Variants in GC observed in about 807,000 individuals in gnomAD.
GC encodes the protein GC vitamin D binding protein.
In GC, 43 loss-of-function variants were observed where a neutral mutation model predicts 56.7. The ratio of observed to expected loss-of-function variants is 0.76; its 90% confidence interval spans 0.59 to 0.98. The LOEUF (loss-of-function observed/expected upper bound fraction) is 0.98, where lower values mean the gene tolerates loss of function less well. Among genes scored for constraint, GC ranks in the 50% least tolerant of loss-of-function variants. The pLI is 0.00. For synonymous variants in GC, 216 were observed against 202.7 expected, an observed-to-expected ratio of 1.07 and a Z score of -0.56; for missense variants, 529 against 545.9, an observed-to-expected ratio of 0.97 and a Z score of 0.31.
chr4:71,769,096 C>T (rs1269854752), intron 2 of GC, among the ~76,000 whole-genome samples: 5 of 152,170 alleles, frequency 3.3e-5, no homozygotes, highest in African/African-American at 9.7e-5. Context: ...TATCTTTGAA[C>T]TCATTCATAA....
rs368318594 is a variant in GC at position 71,754,949 on chromosome 4, G to T, written c.1164+29C>A. On this transcript the variant is annotated intron_variant, in intron 9 of 12. Transcript: ENST00000273951. Reference sequence around the variant, plus strand: ...TAATTTTCCAACCCTTGATCTATGTGCTTGATAAAGAAAATCCAACAAATA... The same window carrying T: ...TAATTTTCCAACCCTTGATCTATGTTCTTGATAAAGAAAATCCAACAAATA... 293 of 1,505,524 alleles carry T rather than the reference G, an allele frequency of 1.9e-4. No homozygotes were observed. In the African/African-American group the frequency reaches 3.7e-3, roughly 19 times the overall value. The allele number at this position is 1,505,524 out of a possible 1,614,324, so 93.3% of individuals were successfully genotyped here. A position where few individuals can be genotyped will look rare whatever the true frequency, so the allele number is the denominator to read the frequency against.
chr4:71,795,233 G>C (rs1743068602), intron 1 of GC, among the ~76,000 whole-genome samples: 1 of 152,104 alleles, frequency 6.6e-6, no homozygotes, highest in African/African-American at 2.4e-5. Context: ...CTGTCTCATT[G>C]ATCTATCTAA....
chr4:71,746,328 C>A (rs556194067), intron 11 of GC, 123 bp from the exon 12 acceptor site: 1 of 553,502 alleles, frequency 1.8e-6, no homozygotes, highest in South Asian at 2.7e-5. Context: ...TGCCAAGATG[C>A]AATGTTACAT....
intron 1 of GC, among the ~76,000 whole-genome samples, chr4:71,776,142 C>T (rs1482815081): frequency 1.3e-5 from 2 of 151,760 alleles, no homozygotes; most frequent in Admixed American, 1.3e-4. Flanking sequence ...TTAACAATAC[C>T]ACTTCTGGGT....
chr4:71,788,765 G>T (rs1742903452), upstream of GC, among the ~76,000 whole-genome samples: 1 of 151,860 alleles, frequency 6.6e-6, no homozygotes, highest in East Asian at 1.9e-4. Flanking sequence ...CAGGAACAAG[G>T]TTTATATGAG....
chr4:71,756,405 C>T (rs1233628757), intron 8 of GC, among the ~76,000 whole-genome samples: 1 of 152,168 alleles, frequency 6.6e-6, no homozygotes, highest in Non-Finnish European at 1.5e-5. Context: ...TAACAATAGG[C>T]TGAAGTTCAG....
chr4:71,763,983 A>T, intron 4 of GC, 47 bp from the exon 5 acceptor site: 1 of 1,482,264 alleles, frequency 6.7e-7, no homozygotes, highest in Non-Finnish European at 9.4e-7. Flanking sequence ...TGAATAAACA[A>T]AATCTACTTT....
At chr4:71,756,980 A>G (rs1741800165) in intron 7 of GC, 66 bp from the exon 8 acceptor site, 2 of 1,049,878 alleles carry the variant, frequency 1.9e-6, no homozygotes, top group Non-Finnish European at 2.9e-6. Context: ...AATAAGAATT[A>G]CATAGGCTTA....
intron 11 of GC, among the ~76,000 whole-genome samples, chr4:71,750,177 T>G (rs1031247945): frequency 1.4e-4 from 21 of 152,230 alleles, no homozygotes; most frequent in African/African-American, 5.1e-4. Context: ...ATAAAAGAGC[T>G]GCTATTGCGA....
upstream of GC, among the ~76,000 whole-genome samples, chr4:71,785,184 T>C (rs182857914): frequency 3.9e-4 from 59 of 151,878 alleles, no homozygotes; most frequent in African/African-American, 1.4e-3. Context: ...TGAGGTTAAT[T>C]AAGGTAATCT....
chr4:71,791,409 T>C lies in GC; in HGVS notation c.22-7355A>G, dbSNP rs1742965104. ...TTTTAAGATGATTACTTTACCTTTG[T>C]TTTTCAGTGATTATCCTCAGATATG... On this transcript the variant is annotated intron_variant, in intron 1 of 13. Transcript: ENST00000504199. Among the ~76,000 whole-genome samples the C allele has an allele frequency of 2.0e-5, 3 of 152,178 alleles. 1 individual carries two copies. Among genetic ancestry groups the C allele is most frequent in the Non-Finnish European group, 4.4e-5 (3 of 67,984 alleles).
upstream of GC, among the ~76,000 whole-genome samples, chr4:71,804,622 T>G (rs1397585116): frequency 6.6e-6 from 1 of 152,192 alleles, no homozygotes; most frequent in East Asian, 1.9e-4. Flanking sequence ...ATGGAAGTTA[T>G]CTGCTATGGC....
chr4:71,787,784 G>C (rs1290844399), upstream of GC, among the ~76,000 whole-genome samples: 1 of 151,886 alleles, frequency 6.6e-6, no homozygotes, highest in African/African-American at 2.4e-5. Context: ...CTTTGGCTGA[G>C]GGGGGAAGAG....
At chr4:71,780,821 G>A (rs143711943) in intron 1 of GC, among the ~76,000 whole-genome samples, 2,872 of 152,226 alleles carry the variant, frequency 0.019, 89 homozygotes, top group African/African-American at 0.066. Flanking sequence ...GCGGAAGACA[G>A]TGTGACTATT....
chr4:71,782,969 G>A (rs1742731235), intron 1 of GC, among the ~76,000 whole-genome samples: 1 of 151,848 alleles, frequency 6.6e-6, no homozygotes. Context: ...TGGGTAAGAC[G>A]AGTTAAAATA....
At chr4:71,784,096 T>A (rs1439173861), upstream of GC, 1 of 1,538,312 alleles carries the variant, frequency 6.5e-7, no homozygotes, top group Non-Finnish European at 8.7e-7. Flanking sequence ...AAGTAATTGG[T>A]TTCCTTTTTA....
chr4:71,779,595 A>T (rs1249531687), intron 1 of GC, among the ~76,000 whole-genome samples: 4 of 151,894 alleles, frequency 2.6e-5, no homozygotes. Context: ...GGTAGAATGA[A>T]GAAGTTAGGT....
At chr4:71,780,070 A>G (rs899714762) in intron 1 of GC, among the ~76,000 whole-genome samples, 1 of 151,968 alleles carries the variant, frequency 6.6e-6, no homozygotes, top group African/African-American at 2.4e-5. Context: ...TTACCTTAAT[A>G]ATTTTGTAGC....
intron 9 of GC, 139 bp downstream of exon 9, chr4:71,754,831 TCCCAACAA>T (rs1553947326): frequency 1.7e-6 from 1 of 600,660 alleles, no homozygotes; most frequent in Non-Finnish European, 2.9e-6. Context: ...TTTGCTTTTT[TCCCAACAA>T]TGTAAAAATG....
Sources: gnomAD v4.1 joint callset for allele counts (sites outside exome capture counted in the v4.1 genomes callset) on GRCh38, gnomAD v4.1.1 for gene constraint, MANE v1.5 for transcripts, NCBI Gene and HGNC (gene_info 2026-07-23, HGNC 2026-07-21) for gene names.